PRELID2: variants seen among roughly 807,000 people sequenced by gnomAD.
PRELID2 encodes PRELI domain-containing protein 2.
In PRELID2, 25 loss-of-function variants were observed where a neutral mutation model predicts 28.4. The observed-to-expected ratio is 0.88, with a 90% CI of 0.64 to 1.23. PRELID2 has a LOEUF of 1.23. Ranked by LOEUF, PRELID2 falls within the 50% of genes most tolerant of loss-of-function variation. The probability of loss-of-function intolerance (pLI) is 0.00; values close to 1 mark genes in which losing one functional copy is unlikely to be tolerated. For synonymous variants in PRELID2, 76 were observed against 71.6 expected, an observed-to-expected ratio of 1.06 and a Z score of -0.31; for missense variants, 201 against 214.4, an observed-to-expected ratio of 0.94 and a Z score of 0.39.
At chr5:145,600,556 G>C (rs1174800071) in intron 1 of PRELID2, among the ~76,000 whole-genome samples, 4 of 151,542 alleles carry the variant, frequency 2.6e-5, no homozygotes, top group Non-Finnish European at 5.9e-5. Flanking sequence ...CCAAGATTTG[G>C]AATAGAGTGA....
chr5:145,701,346 C>T (rs1755402822), intron 1 of PRELID2, among the ~76,000 whole-genome samples: 1 of 152,078 alleles, frequency 6.6e-6, no homozygotes, highest in African/African-American at 2.4e-5. Flanking sequence ...ATTTTCATGG[C>T]ATAGTTGATA....
intron 1 of PRELID2, among the ~76,000 whole-genome samples, chr5:145,649,873 T>C (rs1017936083): frequency 8.5e-5 from 13 of 152,210 alleles, no homozygotes; most frequent in African/African-American, 3.1e-4. Context: ...ACTGTCTGTT[T>C]TTATCTCTTG....
At chr5:145,721,447 T>G (rs1163134368) in intron 1 of PRELID2, among the ~76,000 whole-genome samples, 1 of 152,024 alleles carries the variant, frequency 6.6e-6, no homozygotes, top group Non-Finnish European at 1.5e-5. Flanking sequence ...AATACAAATG[T>G]TATCACTAAA....
At chr5:145,434,773 C>A in the PRELID2 span, among the ~76,000 whole-genome samples, 2 of 152,228 alleles carry the variant, frequency 1.3e-5, no homozygotes, top group East Asian at 1.9e-4. Flanking sequence ...GAATATATAA[C>A]CCTAGTCATT....
intron 1 of PRELID2, among the ~76,000 whole-genome samples, chr5:145,641,098 G>A (rs114162981): frequency 0.016 from 2,467 of 152,208 alleles, 71 homozygotes; most frequent in African/African-American, 0.056. Context: ...GGTAGAAAAG[G>A]ATTTGTTTAA....
chr5:145,424,065 G>C, the PRELID2 span, among the ~76,000 whole-genome samples: 3 of 151,170 alleles, frequency 2.0e-5, no homozygotes, highest in East Asian at 2.0e-4. Flanking sequence ...AGGGGTCAGG[G>C]ACCCACTTGA....
chr5:145,742,968 G>A (rs1756876905), intron 1 of PRELID2, among the ~76,000 whole-genome samples: 1 of 151,976 alleles, frequency 6.6e-6, no homozygotes, highest in Non-Finnish European at 1.5e-5. Context: ...CAACTTAGAT[G>A]AAATTGACCA....
At chr5:145,470,831 A>G (rs1215991771), downstream of PRELID2, among the ~76,000 whole-genome samples, 9 of 152,134 alleles carry the variant, frequency 5.9e-5, no homozygotes, top group African/African-American at 1.4e-4. Flanking sequence ...CATTTTCACA[A>G]CATCTTCCAA....
intron 6 of PRELID2, among the ~76,000 whole-genome samples, chr5:145,764,557 C>A (rs1757632145): frequency 6.6e-6 from 1 of 152,228 alleles, no homozygotes; most frequent in Admixed American, 6.5e-5. Context: ...TGTTTCTCTT[C>A]CTGCTCCAAT....
At chr5:145,257,259 T>C in the PRELID2 span, among the ~76,000 whole-genome samples, 1 of 152,098 alleles carries the variant, frequency 6.6e-6, no homozygotes, top group Non-Finnish European at 1.5e-5. Context: ...AACTATATAA[T>C]ACATTTTTAA....
chr5:145,321,663 T>C, the PRELID2 span, among the ~76,000 whole-genome samples: 1 of 152,218 alleles, frequency 6.6e-6, no homozygotes, highest in African/African-American at 2.4e-5. Flanking sequence ...TGGATATTGA[T>C]TTAAACTCAT....
At chr5:145,432,382 C>A in the PRELID2 span, among the ~76,000 whole-genome samples, 2 of 134,130 alleles carry the variant, frequency 1.5e-5, no homozygotes, top group Admixed American at 7.8e-5. Context: ...AGTCAAGCAG[C>A]ATAAAGCATA....
chr5:145,730,592 C>T (rs1318704353), intron 1 of PRELID2, among the ~76,000 whole-genome samples: 5 of 152,166 alleles, frequency 3.3e-5, no homozygotes, highest in Non-Finnish European at 5.9e-5. Flanking sequence ...GATAACTACT[C>T]AGCATCCACA....
At chr5:145,375,337 T>TGA in the PRELID2 span, among the ~76,000 whole-genome samples, 8 of 152,130 alleles carry the variant, frequency 5.3e-5, no homozygotes, top group African/African-American at 1.9e-4. Context: ...ATAGCAAAGA[T>TGA]GAGTGCCTAC....
At chr5:145,652,386 G>A (rs1433804187) in intron 1 of PRELID2, among the ~76,000 whole-genome samples, 2 of 152,058 alleles carry the variant, frequency 1.3e-5, no homozygotes, top group Non-Finnish European at 2.9e-5. Flanking sequence ...TTCAAATTCA[G>A]GAAATACAGA....
chr5:145,677,711 A>T (rs77654349), intron 1 of PRELID2, among the ~76,000 whole-genome samples: 3,067 of 152,282 alleles, frequency 0.02, 108 homozygotes, highest in African/African-American at 0.07. Flanking sequence ...AAATAAAACC[A>T]GAGAAAAAGG....
the PRELID2 span, among the ~76,000 whole-genome samples, chr5:145,398,767 G>A: frequency 3.3e-5 from 5 of 152,102 alleles, no homozygotes; most frequent in Admixed American, 6.6e-5. Context: ...AGAGAATGAC[G>A]AAACCAAGAA....
chr5:145,603,430 A>G (rs1181526101), intron 1 of PRELID2, among the ~76,000 whole-genome samples: 1 of 152,204 alleles, frequency 6.6e-6, no homozygotes. Context: ...GTAGTGAAGT[A>G]AAATGATTGA....
At chr5:145,320,294 G>A in the PRELID2 span, among the ~76,000 whole-genome samples, 3 of 149,606 alleles carry the variant, frequency 2.0e-5, no homozygotes, top group East Asian at 2.0e-4. Context: ...TTTTTGAGAC[G>A]GAGTCTCGCT....
Sources: allele counts gnomAD v4.1 joint callset (sites outside exome capture counted in the v4.1 genomes callset), GRCh38; gene constraint gnomAD v4.1.1; transcripts MANE v1.5; gene names NCBI Gene and HGNC (gene_info 2026-07-23, HGNC 2026-07-21).